Variants in MARCHF6 observed in about 807,000 individuals in gnomAD.
The protein encoded by MARCHF6 is E3 ubiquitin-protein ligase MARCHF6.
Under a neutral mutation model 133.7 loss-of-function variants are expected in MARCHF6, and 31 were observed. That is an observed-to-expected ratio of 0.23 (90% CI 0.17 to 0.31). The LOEUF (loss-of-function observed/expected upper bound fraction) is 0.31. MARCHF6 is among the 10% of genes least tolerant of loss of function. The pLI, the probability that MARCHF6 is intolerant of heterozygous loss-of-function variation, is 1.00. For synonymous variants in MARCHF6, 395 were observed against 402.5 expected (o/e 0.98, Z 0.22); for missense variants, 723 against 1,121.6 (o/e 0.64, Z 5.08).
At chr5:10,425,618 A>G (rs1740043032) in intron 23 of MARCHF6, among the ~76,000 whole-genome samples, 2 of 152,362 alleles carry the variant, frequency 1.3e-5, no homozygotes, top group African/African-American at 4.8e-5. Flanking sequence ...CATGTTTGCC[A>G]TTCAAATTCC....
At chr5:10,433,153 G>A (rs1358752712) in intron 25 of MARCHF6, among the ~76,000 whole-genome samples, 3 of 152,152 alleles carry the variant, frequency 2.0e-5, no homozygotes, top group Non-Finnish European at 4.4e-5. Context: ...GCCTCCCTAC[G>A]TGCTGGGATT....
chr5:10,392,599 C>A (rs1262084571), intron 7 of MARCHF6, among the ~76,000 whole-genome samples: 1 of 152,056 alleles, frequency 6.6e-6, no homozygotes, highest in Non-Finnish European at 1.5e-5. Context: ...CCTAAAAATA[C>A]AAAAATTAGC....
intron 1 of MARCHF6, among the ~76,000 whole-genome samples, chr5:10,371,578 T>C (rs552148190): frequency 7.2e-5 from 11 of 152,246 alleles, no homozygotes; most frequent in South Asian, 6.2e-4. Flanking sequence ...TTATTCACTA[T>C]CACGAGAACA....
chr5:10,368,667 C>T (rs544414458), intron 1 of MARCHF6, among the ~76,000 whole-genome samples: 1 of 152,166 alleles, frequency 6.6e-6, no homozygotes, highest in African/African-American at 2.4e-5. Flanking sequence ...GCAACCTCCA[C>T]CTCCCAGGTT....
intron 16 of MARCHF6, 35 bp from the exon 17 acceptor site, chr5:10,407,067 C>T (rs1012619501): frequency 2.5e-6 from 3 of 1,202,418 alleles, no homozygotes; most frequent in Admixed American, 3.5e-5. Context: ...GTGATTGACT[C>T]TTATAGTGGT....
intron 17 of MARCHF6, among the ~76,000 whole-genome samples, chr5:10,408,183 T>A (rs2452874): frequency 0.17 from 25,574 of 152,180 alleles, 3,342 homozygotes; most frequent in East Asian, 0.67. Context: ...ACTTACTTAA[T>A]TTAGGCCTTC....
At chr5:10,422,454 C>T (rs753544746) in intron 22 of MARCHF6, among the ~76,000 whole-genome samples, 1 of 152,022 alleles carries the variant, frequency 6.6e-6, no homozygotes, top group African/African-American at 2.4e-5. Context: ...TTATTAGACA[C>T]GGGGAAATCA....
intron 10 of MARCHF6, among the ~76,000 whole-genome samples, chr5:10,398,194 G>A (rs995608180): frequency 2.0e-5 from 3 of 152,178 alleles, no homozygotes; most frequent in Admixed American, 1.3e-4. Flanking sequence ...TGCTGAAGAG[G>A]ATGAGTAGAG....
At position 10,377,891 on chromosome 5, in the gene MARCHF6, A is replaced by T; in HGVS notation, c.113A>T (p.Glu38Val). The T allele has an allele frequency of 6.2e-7, 1 of 1,601,188 alleles. No homozygotes were observed. The highest frequency in any genetic ancestry group is 8.6e-7 in the Non-Finnish European group (1 of 1,168,418). Residue 38 changes from glutamate to valine, a missense_variant, in exon 2 of 26, where the codon GAA (glutamate) becomes GTA (valine). By Grantham distance (121) the Glu-to-Val change is moderately radical (BLOSUM62 -2). Transcript: ENST00000274140. ...CTGSIKFIHQECLVQWLKHSR... is the reference protein window; with the variant it reads ...CTGSIKFIHQVCLVQWLKHSR... ...GGCAGTATTAAGTTTATCCATCAAG[A>T]ATGGTAAGTCATACTTTTAGAAAGT...
intron 1 of MARCHF6, among the ~76,000 whole-genome samples, chr5:10,365,383 C>T (rs184517167): frequency 6.6e-6 from 1 of 152,050 alleles, no homozygotes; most frequent in Non-Finnish European, 1.5e-5. Context: ...TCACCGCAAC[C>T]TCCGCCTCCC....
In MARCHF6 at chr5:10,353,937, C is replaced by A. The variant is rs1407739273; in HGVS notation, c.19+20C>A. 1 of 1,545,002 alleles carries A rather than the reference C, an allele frequency of 6.5e-7. No individual in the cohort carries two copies. Among genetic ancestry groups the A allele is most frequent in the Non-Finnish European group, 8.7e-7 (1 of 1,150,570 alleles). On this transcript the variant is annotated intron_variant, in intron 1 of 25. Transcript: ENST00000274140. ...AGGAAGGTAAGTCGGCGACGCGCGGCGCCCGAGCCCTTGCGTCGGCGCCCG... is the reference window on the plus strand; with the variant it reads ...AGGAAGGTAAGTCGGCGACGCGCGGAGCCCGAGCCCTTGCGTCGGCGCCCG...
chr5:10,387,727 G>T (rs1276031579), intron 5 of MARCHF6, among the ~76,000 whole-genome samples: 1 of 152,134 alleles, frequency 6.6e-6, no homozygotes, highest in African/African-American at 2.4e-5. Context: ...GTAGGGTGCA[G>T]TGGTGTGATC....
At chr5:10,390,685 C>T (rs961817439) in intron 6 of MARCHF6, among the ~76,000 whole-genome samples, 185 bp downstream of exon 6, 2 of 152,136 alleles carry the variant, frequency 1.3e-5, no homozygotes, top group Non-Finnish European at 2.9e-5. Context: ...AGTGGTATTA[C>T]GACTTTGCCT....
intron 1 of MARCHF6, among the ~76,000 whole-genome samples, chr5:10,360,921 C>T (rs1579516101): frequency 1.3e-5 from 2 of 152,312 alleles, no homozygotes; most frequent in South Asian, 2.1e-4. Flanking sequence ...CCATTTCTTC[C>T]AGGCCAGGCT....
chr5:10,427,143 A>G (rs1740127567), intron 24 of MARCHF6, among the ~76,000 whole-genome samples: 1 of 152,156 alleles, frequency 6.6e-6, no homozygotes, highest in Non-Finnish European at 1.5e-5. Flanking sequence ...TCTGTCCTCC[A>G]TGTCCCTCTG....
At chr5:10,393,954 A>T in intron 7 of MARCHF6, 128 bp from the exon 8 acceptor site, 1 of 423,580 alleles carries the variant, frequency 2.4e-6, no homozygotes, top group Non-Finnish European at 4.2e-6. Context: ...CTCAGTATGG[A>T]AATGTGGCTT....
chr5:10,437,326 A>G lies in MARCHF6; in HGVS notation c.*3642A>G, dbSNP rs1740693931. ...TTATTCAGCCATCAAAAAAAAACCC[A>G]ACTAAAATGTCTTACCAGTAAAGTA... On this transcript the variant is annotated 3_prime_UTR_variant, in exon 26 of 26. Transcript: ENST00000274140. 6.6e-6 allele frequency: 1 copy of G among 152,208 alleles called. No individual in the cohort carries two copies. The highest frequency in any genetic ancestry group is 2.4e-5 in the African/African-American group (1 of 41,458). 9.4% of individuals were successfully genotyped at this position (152,208 alleles called of 1,614,324 possible).
At chr5:10,355,696 C>T (rs929933304) in intron 1 of MARCHF6, among the ~76,000 whole-genome samples, 7 of 152,194 alleles carry the variant, frequency 4.6e-5, no homozygotes, top group African/African-American at 1.4e-4. Context: ...ATTTAATTCT[C>T]TCACATCGTT....
rs1740716723 is a variant in MARCHF6 at position 10,438,056 on chromosome 5, CTT to C, written c.*4373_*4374del. Reference sequence around the variant, plus strand: ...CATCCCTCCCCTTCTGTCTCCCTAACTTGAACTGTAGACCGTCCTCACTGGGA... The same window carrying C: ...CATCCCTCCCCTTCTGTCTCCCTAACGAACTGTAGACCGTCCTCACTGGGA... On this transcript the variant is annotated 3_prime_UTR_variant, in exon 26 of 26. Transcript: ENST00000274140. 1 of 152,502 alleles carries C rather than the reference CTT, an allele frequency of 6.6e-6. No individual in the cohort carries two copies. Among genetic ancestry groups the C allele is most frequent in the Non-Finnish European group, 1.5e-5 (1 of 68,040 alleles). 9.4% of individuals were successfully genotyped at this position (152,502 alleles called of 1,614,324 possible). A position where few individuals can be genotyped will look rare whatever the true frequency, so the allele number is the denominator to read the frequency against.
Sources: gnomAD v4.1 joint callset for allele counts (sites outside exome capture counted in the v4.1 genomes callset) on GRCh38, gnomAD v4.1.1 for gene constraint, MANE v1.5 for transcripts, NCBI Gene and HGNC (gene_info 2026-07-23, HGNC 2026-07-21) for gene names.